Variants in TJP2 observed in about 807,000 individuals in gnomAD.
The protein encoded by TJP2 is Friedreich ataxia region gene X104 (tight junction protein ZO-2).
A neutral mutation model predicts 133.1 loss-of-function variants in TJP2; 91 were observed. The ratio of observed to expected loss-of-function variants is 0.68; its 90% CI spans 0.58 to 0.81. The LOEUF is 0.81. TJP2 is among the 40% of genes least tolerant of loss of function. TJP2 has a pLI of 0.00. For missense variants in TJP2, 1,541 were observed against 1,565.6 expected (o/e 0.98, Z 0.26); for synonymous variants, 592 against 583.4 (o/e 1.01, Z -0.21).
chr9:69,236,905 C>T (rs765956735), intron 13 of TJP2, 44 bp from the exon 14 acceptor site: 24 of 1,599,858 alleles, frequency 1.5e-5, no homozygotes, highest in Non-Finnish European at 2.0e-5. Flanking sequence ...ATGTTAGCTG[C>T]GTTTTCTGGC....
chr9:69,248,499 G>A (rs908389977), intron 19 of TJP2: 16 of 1,305,958 alleles, frequency 1.2e-5, no homozygotes, highest in Admixed American at 7.0e-5. Context: ...TTTAGGTGCC[G>A]TCTGTCCAAA....
intron 19 of TJP2, chr9:69,248,470 G>A (rs559885594): frequency 3.7e-5 from 50 of 1,345,716 alleles, no homozygotes; most frequent in African/African-American, 3.5e-4. Flanking sequence ...CCTCAGGTGC[G>A]ATGGATAAAC....
chr9:69,254,064 A>T, intron 22 of TJP2, 145 bp from the exon 23 acceptor site: 1 of 928,542 alleles, frequency 1.1e-6, no homozygotes, highest in Non-Finnish European at 1.7e-6. Context: ...AGGACCAGGG[A>T]TGCCCTGGTT....
At chr9:69,187,993 T>C (rs1045319940) in intron 1 of TJP2, among the ~76,000 whole-genome samples, 6 of 152,242 alleles carry the variant, frequency 3.9e-5, no homozygotes, top group Admixed American at 6.5e-5. Flanking sequence ...CTTTGTGTTA[T>C]TGGACTGAGA....
intron 1 of TJP2, among the ~76,000 whole-genome samples, chr9:69,132,058 A>G (rs1299907889): frequency 1.3e-5 from 2 of 152,254 alleles, no homozygotes; most frequent in Admixed American, 6.5e-5. Flanking sequence ...AGAGTTACAC[A>G]TGATGTGCTT....
At position 69,251,067 on chromosome 9, in the gene TJP2, C is replaced by T; in HGVS notation, c.3024C>T (p.Asp1008=). 1 of 1,614,210 alleles carries T rather than the reference C, an allele frequency of 6.2e-7. No individual in the cohort carries two copies. Among genetic ancestry groups the T allele is most frequent in the South Asian group, 1.1e-5 (1 of 91,084 alleles). The change falls in exon 21 of 23, where the codon GAC becomes GAT. Residue 1008 remains aspartate (D), a synonymous_variant. Transcript: ENST00000377245. ...AKTQNKEESY[D]FSKSYEYKSN... is the part of the protein sequence containing the mutation. Reference sequence around the variant, plus strand: ...CCCAGAACAAAGAAGAATCCTATGACTTCTCCAAATCCTATGAATATAAGT... The same window carrying T: ...CCCAGAACAAAGAAGAATCCTATGATTTCTCCAAATCCTATGAATATAAGT...
At position 69,249,455 on chromosome 9, in the gene TJP2, G is replaced by T; in HGVS notation, c.2961G>T (p.Pro987=). ...GCGATCAACTTAGGGACAATAGCCCGCCCCCAGCATTCAAGCCAGAGCCGC... is the reference window on the plus strand; with the variant it reads ...GCGATCAACTTAGGGACAATAGCCCTCCCCCAGCATTCAAGCCAGAGCCGC... ...ASSDQLRDNS[P]PPAFKPEPPK... Residue 987 remains proline (P), a synonymous_variant, in exon 20 of 23, where the codon CCG becomes CCT. Transcript: ENST00000377245. 1 of 1,609,450 alleles carries T rather than the reference G, an allele frequency of 6.2e-7. No homozygotes were observed. The highest frequency in any genetic ancestry group is 2.2e-5 in the East Asian group (1 of 44,748).
chr9:69,185,227 A>G (rs540663063), intron 1 of TJP2, among the ~76,000 whole-genome samples: 14 of 152,108 alleles, frequency 9.2e-5, no homozygotes, highest in Non-Finnish European at 1.6e-4. Flanking sequence ...ACACCCGGCT[A>G]ATTTTTGTAT....
At chr9:69,156,868 C>T (rs1357410588) in intron 2 of TJP2, among the ~76,000 whole-genome samples, 5 of 152,202 alleles carry the variant, frequency 3.3e-5, no homozygotes, top group African/African-American at 1.2e-4. Context: ...AGCAGGACAA[C>T]TCAAAAGGGG....
intron 2 of TJP2, among the ~76,000 whole-genome samples, chr9:69,161,689 C>CT (rs1564391559): frequency 6.6e-6 from 1 of 151,194 alleles, no homozygotes; most frequent in African/African-American, 2.4e-5. Flanking sequence ...TATGAAGTGT[C>CT]TATTATTAAC....
In TJP2 at chr9:69,227,763, A is replaced by G. The variant is rs1652864755; in HGVS notation, c.1211-2A>G. 1.3e-6 allele frequency: 2 copies of G among 1,569,628 alleles called. No homozygotes were observed. Among genetic ancestry groups the G allele is most frequent in the East Asian group, 2.2e-5 (1 of 44,638 alleles). ...AAAGTCTTTTCTTATTTTTGAAACT[A>G]GATATTTCAGAAATAGAGTCAAACC... On this transcript the variant is annotated splice_acceptor_variant, in intron 7 of 22. Transcript: ENST00000377245. LOFTEE classifies it high-confidence loss of function.
At chr9:69,153,226 C>CT (rs939373997) in intron 2 of TJP2, among the ~76,000 whole-genome samples, 1 of 151,788 alleles carries the variant, frequency 6.6e-6, no homozygotes, top group East Asian at 1.9e-4. Context: ...GAGTGAGACT[C>CT]TATCTCAGCA....
chr9:69,174,052 C>A, upstream of TJP2: 1 of 1,068,572 alleles, frequency 9.4e-7, no homozygotes, highest in Non-Finnish European at 1.1e-6. Context: ...AGGAGTCGCG[C>A]GTGACGCGGT....
intron 1 of TJP2, among the ~76,000 whole-genome samples, chr9:69,197,102 G>A (rs1826635603): frequency 6.6e-6 from 1 of 152,006 alleles, no homozygotes; most frequent in Non-Finnish European, 1.5e-5. Flanking sequence ...CCCAGCAGCT[G>A]GGATTACAAG....
chr9:69,158,323 G>T (rs7855817), intron 2 of TJP2, among the ~76,000 whole-genome samples: 48,846 of 95,250 alleles, frequency 0.51, 10,316 homozygotes, highest in East Asian at 0.7. Flanking sequence ...GCAAGACTTT[G>T]CCTCAAAAAA....
intron 1 of TJP2, chr9:69,205,160 C>T: frequency 6.5e-7 from 1 of 1,537,186 alleles, no homozygotes; most frequent in Non-Finnish European, 8.7e-7. Context: ...TCTCCAGAGA[C>T]CATGAAGACT....
At chr9:69,195,258 TA>T in intron 1 of TJP2, among the ~76,000 whole-genome samples, 1 of 152,334 alleles carries the variant, frequency 6.6e-6, no homozygotes, top group Non-Finnish European at 1.5e-5. Flanking sequence ...GGTTTAAAAT[TA>T]TAGGGTACAC....
chr9:69,253,065 C>T, intron 22 of TJP2, 165 bp downstream of exon 22: 1 of 672,148 alleles, frequency 1.5e-6, no homozygotes, highest in Non-Finnish European at 2.6e-6. Flanking sequence ...GTAAAGATTA[C>T]AGAGTCAAAA....
rs780060340 is a variant in TJP2 at position 69,236,049 on chromosome 9, G to A, written c.1802G>A (p.Cys601Tyr). 6.2e-7 allele frequency: 1 copy of A among 1,614,176 alleles called. No homozygotes were observed. The highest frequency in any genetic ancestry group is 2.2e-5 in the East Asian group (1 of 44,880). The change falls in exon 13 of 23, where the codon TGT (cysteine) becomes TAT (tyrosine). Residue 601 changes from cysteine (C) to tyrosine (Y), a missense_variant. Coordinates refer to ENST00000377245, the MANE Select transcript of TJP2 (RefSeq NM_004817.4). ...RADVYRDILA[C>Y]GRGDSFFIRS... is the part of the protein sequence containing the mutation. Reference sequence around the variant, plus strand: ...TCAGTGTATAGAGACATCCTGGCTTGTGGCAGAGGGGATTCGTTTTTTATA... The same window carrying A: ...TCAGTGTATAGAGACATCCTGGCTTATGGCAGAGGGGATTCGTTTTTTATA...
Sources: allele counts gnomAD v4.1 joint callset (sites outside exome capture counted in the v4.1 genomes callset), GRCh38; gene constraint gnomAD v4.1.1; transcripts MANE v1.5; gene names NCBI Gene and HGNC (gene_info 2026-07-23, HGNC 2026-07-21).